Variants in AKAP7 observed in about 807,000 individuals in gnomAD.
AKAP7 encodes the protein A-kinase anchoring protein 7.
Under a neutral mutation model 39.5 loss-of-function variants are expected in AKAP7, and 39 were observed. The ratio of observed to expected loss-of-function variants is 0.99; its 90% CI spans 0.76 to 1.29. The LOEUF (loss-of-function observed/expected upper bound fraction) is 1.29. Among genes scored for constraint, AKAP7 ranks in the 50% most tolerant of loss-of-function variants. AKAP7 has a pLI of 0.00. For missense variants in AKAP7, 414 were observed against 407.7 expected (o/e 1.02, Z -0.13); for synonymous variants, 140 against 139.1 (o/e 1.01, Z -0.05).
At chr6:131,164,476 C>G (rs1803285441) in intron 3 of AKAP7, 1 of 455,408 alleles carries the variant, frequency 2.2e-6, no homozygotes, top group East Asian at 7.0e-5. Flanking sequence ...TTCTGTTTTT[C>G]TAATGTGTGC....
intron 7 of AKAP7, among the ~76,000 whole-genome samples, chr6:131,271,942 G>C (rs144964278): frequency 5.9e-5 from 9 of 152,272 alleles, no homozygotes; most frequent in African/African-American, 2.2e-4. Flanking sequence ...TATAGTTCCA[G>C]TGTTCCACAG....
rs75967806 is a variant in AKAP7, at chr6:131,186,626, A to G, written c.590-12835A>G. On this transcript the variant is annotated intron_variant, in intron 5 of 7. Transcript: ENST00000431975. ...AAGTTCAAGATCAGGTCACCAGAAG[A>G]TTTAGTGTTTGGAGAGGGCTCTCTG... Among the ~76,000 whole-genome samples, 2,170 of 152,286 alleles carry G rather than the reference A, an allele frequency of 0.014. 147 individuals are homozygous for G. In the East Asian group the frequency reaches 0.18, roughly 12 times the overall value.
chr6:131,282,234 C>T lies in AKAP7; in HGVS notation c.*508C>T, dbSNP rs539084745. The T allele has an allele frequency of 2.2e-6, 3 of 1,341,532 alleles. No individual in the cohort carries two copies. Among genetic ancestry groups the T allele is most frequent in the Non-Finnish European group, 2.9e-6 (3 of 1,052,492 alleles). 83.1% of individuals were successfully genotyped at this position (1,341,532 alleles called of 1,614,324 possible). A position where few individuals can be genotyped will look rare whatever the true frequency, so the allele number is the denominator to read the frequency against. ...GTGTGCTGTTGCTATGCAGTGTGAT[C>T]TTTATTTATAGTAAATTATGTTTCA... On this transcript the variant is annotated 3_prime_UTR_variant, in exon 8 of 8. Coordinates refer to ENST00000431975, the MANE Select transcript of AKAP7 (RefSeq NM_016377.4).
At chr6:131,139,581 G>C (rs972775810) in intron 1 of AKAP7, among the ~76,000 whole-genome samples, 1 of 152,108 alleles carries the variant, frequency 6.6e-6, no homozygotes, top group African/African-American at 2.4e-5. Context: ...TTTTTCATGG[G>C]CAGTGAGATA....
chr6:131,268,083 A>G lies in AKAP7; in HGVS notation c.851-13447A>G, dbSNP rs117221248. 3.0e-3 allele frequency among the ~76,000 whole-genome samples: 451 copies of G among 152,280 alleles called. 2 individuals are homozygous for G. Among genetic ancestry groups the G allele is most frequent in the Non-Finnish European group, 5.1e-3 (346 of 68,006 alleles). On this transcript the variant is annotated intron_variant, in intron 7 of 7. Coordinates refer to ENST00000431975, the MANE Select transcript of AKAP7 (RefSeq NM_016377.4). Reference sequence around the variant, plus strand: ...AGGGAGGGATGGAGGAAGTAATTGTATTGCATTAATCAGGACCATTATTTA... The same window carrying G: ...AGGGAGGGATGGAGGAAGTAATTGTGTTGCATTAATCAGGACCATTATTTA...
At chr6:131,264,379 C>A (rs1428874330) in intron 7 of AKAP7, among the ~76,000 whole-genome samples, 1 of 152,148 alleles carries the variant, frequency 6.6e-6, no homozygotes, top group Non-Finnish European at 1.5e-5. Flanking sequence ...GCAAGCATAA[C>A]TAGGAGTAGC....
upstream of AKAP7, among the ~76,000 whole-genome samples, chr6:131,132,357 A>C (rs642204): frequency 0.65 from 98,395 of 151,330 alleles, 34,202 homozygotes; most frequent in Non-Finnish European, 0.78. Flanking sequence ...AATTTGTTTT[A>C]TGAAAGCAAA....
intron 7 of AKAP7, among the ~76,000 whole-genome samples, chr6:131,272,980 T>G (rs1473110635): frequency 6.6e-6 from 1 of 152,180 alleles, no homozygotes; most frequent in South Asian, 2.1e-4. Context: ...ACCTTTTAGT[T>G]CTATCAGTTT....
At chr6:131,235,582 C>T (rs1022025331) in intron 7 of AKAP7, among the ~76,000 whole-genome samples, 66 of 152,278 alleles carry the variant, frequency 4.3e-4, no homozygotes, top group Admixed American at 6.5e-4. Context: ...TGTTTCCTGA[C>T]TTTTTAATGG....
chr6:131,227,919 T>A (rs896420876), intron 7 of AKAP7, among the ~76,000 whole-genome samples: 2 of 152,194 alleles, frequency 1.3e-5, no homozygotes, highest in African/African-American at 2.4e-5. Flanking sequence ...AAAAGGCTTG[T>A]TGTGGTTCAC....
At chr6:131,148,817 T>C (rs909749165) in intron 2 of AKAP7, among the ~76,000 whole-genome samples, 1 of 152,206 alleles carries the variant, frequency 6.6e-6, no homozygotes, top group Non-Finnish European at 1.5e-5. Context: ...TATAATTAGT[T>C]TGTGGCTTGA....
At chr6:131,225,966 T>G (rs957065523) in intron 7 of AKAP7, among the ~76,000 whole-genome samples, 5 of 152,350 alleles carry the variant, frequency 3.3e-5, no homozygotes, top group Middle Eastern at 3.4e-3. Flanking sequence ...TAATTCAAAT[T>G]ACTTGCCAAT....
intron 5 of AKAP7, among the ~76,000 whole-genome samples, chr6:131,174,573 A>G (rs1249804661): frequency 6.6e-6 from 1 of 152,248 alleles, no homozygotes; most frequent in East Asian, 1.9e-4. Context: ...AGCCTGGGCA[A>G]TGGAGTGAGA....
At chr6:131,242,567 G>A (rs1352819497) in intron 7 of AKAP7, among the ~76,000 whole-genome samples, 2 of 151,302 alleles carry the variant, frequency 1.3e-5, no homozygotes, top group Non-Finnish European at 2.9e-5. Flanking sequence ...TGACCAAAAA[G>A]CAGATACAGA....
At chr6:131,179,618 A>C (rs1411142376) in intron 5 of AKAP7, among the ~76,000 whole-genome samples, 1 of 152,218 alleles carries the variant, frequency 6.6e-6, no homozygotes, top group Non-Finnish European at 1.5e-5. Flanking sequence ...ACATAATCCC[A>C]GCACTCTGGG....
chr6:131,239,528 T>A (rs1811351896), intron 7 of AKAP7, among the ~76,000 whole-genome samples: 1 of 152,254 alleles, frequency 6.6e-6, no homozygotes, highest in Admixed American at 6.5e-5. Context: ...ATTCTCCCCG[T>A]CACTTTCAGG....
chr6:131,200,371 C>T (rs1246555960), intron 6 of AKAP7, among the ~76,000 whole-genome samples: 1 of 152,186 alleles, frequency 6.6e-6, no homozygotes, highest in African/African-American at 2.4e-5. Context: ...ATGGCCTGCT[C>T]TCATATACCA....
intron 7 of AKAP7, among the ~76,000 whole-genome samples, chr6:131,254,595 A>T (rs981997480): frequency 1.8e-4 from 27 of 152,348 alleles, no homozygotes; most frequent in Admixed American, 1.6e-3. Flanking sequence ...ATGAATGGTA[A>T]AGATGAACTG....
chr6:131,234,604 C>CTT (rs1278420358), intron 7 of AKAP7, among the ~76,000 whole-genome samples: 1 of 142,130 alleles, frequency 7.0e-6, no homozygotes, highest in East Asian at 2.1e-4. Flanking sequence ...TAGTTCAGAT[C>CTT]TTTTTTTTTT....
Sources: gnomAD v4.1 joint callset for allele counts (sites outside exome capture counted in the v4.1 genomes callset) on GRCh38, gnomAD v4.1.1 for gene constraint, MANE v1.5 for transcripts, NCBI Gene and HGNC (gene_info 2026-07-23, HGNC 2026-07-21) for gene names.